The following B4GALT2 variants were observed in gnomAD, a reference collection of about 807,000 sequenced individuals.
The protein encoded by B4GALT2 is beta-1,4-galactosyltransferase 2.
In B4GALT2, 18 loss-of-function variants were observed where a neutral mutation model predicts 33.2. That is an observed-to-expected ratio of 0.54 (90% CI 0.38 to 0.80). The LOEUF is 0.80. Among genes scored for constraint, B4GALT2 ranks in the 30% least tolerant of loss-of-function variants. The pLI, the probability that B4GALT2 is intolerant of heterozygous loss-of-function variation, is 0.00. For missense variants in B4GALT2, 404 were observed against 526.2 expected, an observed-to-expected ratio of 0.77 and a Z score of 2.27; for synonymous variants, 214 against 217.6, an observed-to-expected ratio of 0.98 and a Z score of 0.15.
chr1:43,979,528 C>T lies in B4GALT2; in HGVS notation c.-53+17C>T, dbSNP rs1345655579. 6.5e-6 allele frequency: 1 copy of T among 154,618 alleles called. No individual in the cohort carries two copies. Among genetic ancestry groups the T allele is most frequent in the Non-Finnish European group, 1.4e-5 (1 of 69,576 alleles). 9.6% of individuals were successfully genotyped at this position (154,618 alleles called of 1,614,324 possible). A position where few individuals can be genotyped will look rare whatever the true frequency, so the allele number is the denominator to read the frequency against. ...GAGCGCCGGGTGAGAGGAGGGCGCGCGCGGCCCCCACCCAGGGCCCCGAGA... is the reference window on the plus strand; with the variant it reads ...GAGCGCCGGGTGAGAGGAGGGCGCGTGCGGCCCCCACCCAGGGCCCCGAGA... On this transcript the variant is annotated intron_variant, in intron 1 of 6. Coordinates refer to ENST00000372324, the MANE Select transcript of B4GALT2 (RefSeq NM_003780.5). This position sits in a 1 kb window ranked among gnomAD's most constrained non-coding sequence, Gnocchi z 4.8.
In B4GALT2 at chr1:43,984,812, C is replaced by T. The variant is rs975095556; in HGVS notation, c.550-53C>T. The T allele has an allele frequency of 1.3e-6, 2 of 1,569,476 alleles. No individual in the cohort carries two copies. Among genetic ancestry groups the T allele is most frequent in the Non-Finnish European group, 1.7e-6 (2 of 1,148,400 alleles). On this transcript the variant is annotated intron_variant, in intron 3 of 6. Coordinates refer to ENST00000372324, the MANE Select transcript of B4GALT2 (RefSeq NM_003780.5). The surrounding 1 kb of genome is among the most constrained non-coding windows in gnomAD (Gnocchi z 5.6). ...ACTGCTCTGGAGAGTGGCAAAAGGGCAGGTGCTTGTTGGTCACAGGCCCAG... is the reference window on the plus strand; with the variant it reads ...ACTGCTCTGGAGAGTGGCAAAAGGGTAGGTGCTTGTTGGTCACAGGCCCAG...
In B4GALT2 at chr1:43,979,947, G is replaced by A. The variant is rs140689469; in HGVS notation, c.-53+436G>A. 6,677 of 1,521,018 alleles carry A rather than the reference G, an allele frequency of 4.4e-3. 27 individuals carry two copies. The highest frequency in any genetic ancestry group is 5.5e-3 in the Middle Eastern group (32 of 5,848). The allele number at this position is 1,521,018 out of a possible 1,614,324, so 94.2% of individuals were successfully genotyped here. On this transcript the variant is annotated intron_variant, in intron 1 of 6. Coordinates refer to ENST00000372324, the MANE Select transcript of B4GALT2 (RefSeq NM_003780.5). This position sits in a 1 kb window ranked among gnomAD's most constrained non-coding sequence, Gnocchi z 4.8. The stretch of plus-strand genomic sequence containing the variant: ...CGCCAGCCTGACCCAGAACCCCTGC[G>A]CCGGAGGGAGGGTGGGAATGTCTGC...
chr1:43,979,810 C>G lies in B4GALT2; in HGVS notation c.-53+299C>G. On this transcript the variant is annotated intron_variant, in intron 1 of 6. Coordinates refer to ENST00000372324, the MANE Select transcript of B4GALT2 (RefSeq NM_003780.5). This position sits in a 1 kb window ranked among gnomAD's most constrained non-coding sequence, Gnocchi z 4.8. ...CTTTGCCTCATCCGCTGCCCTCCACCCACTCCCCCTGCCCCCAGGCTCCAC... is the reference window on the plus strand; with the variant it reads ...CTTTGCCTCATCCGCTGCCCTCCACGCACTCCCCCTGCCCCCAGGCTCCAC... 1.8e-6 allele frequency: 1 copy of G among 567,602 alleles called. No individual in the cohort carries two copies. Among genetic ancestry groups the G allele is most frequent in the Non-Finnish European group, 3.1e-6 (1 of 321,044 alleles). The allele number at this position is 567,602 out of a possible 1,614,324, so 35.2% of individuals were successfully genotyped here. A position where few individuals can be genotyped will look rare whatever the true frequency, so the allele number is the denominator to read the frequency against.
In B4GALT2 at chr1:43,985,339, AT is replaced by A; in HGVS notation, c.803del (p.Ile268ThrfsTer24). 6.2e-7 allele frequency: 1 copy of A among 1,611,736 alleles called. No homozygotes were observed. Among genetic ancestry groups the A allele is most frequent in the Non-Finnish European group, 8.5e-7 (1 of 1,179,018 alleles). On this transcript the variant is annotated frameshift_variant, in exon 5 of 7. Coordinates refer to ENST00000372324, the MANE Select transcript of B4GALT2 (RefSeq NM_003780.5). LOFTEE classifies it high-confidence loss of function. ...SGLSKAQFLR[I>X]NGFPNEYWGW... The stretch of plus-strand genomic sequence containing the variant: ...CCTGAGTAAGGCTCAGTTTCTGAGA[AT>A]CAATGGCTTCCCCAATGAGTACTGG...
At position 43,981,538 on chromosome 1, in the gene B4GALT2, G is replaced by A; in HGVS notation, c.313+65G>A. On this transcript the variant is annotated intron_variant, in intron 2 of 6. Transcript: ENST00000372324. This position sits in a 1 kb window ranked among gnomAD's most constrained non-coding sequence, Gnocchi z 8.1. Reference sequence around the variant, plus strand: ...GTTTTATTGGTTTGACTAGAGAAATGGCATCTGGACCCAGGGGTGTGCCAG... The same window carrying A: ...GTTTTATTGGTTTGACTAGAGAAATAGCATCTGGACCCAGGGGTGTGCCAG... 6.6e-7 allele frequency: 1 copy of A among 1,522,896 alleles called. No homozygotes were observed. The highest frequency in any genetic ancestry group is 1.9e-4 in the Middle Eastern group (1 of 5,204). 94.3% of individuals were successfully genotyped at this position (1,522,896 alleles called of 1,614,324 possible).
chr1:43,985,233 A>C (rs1470621652), intron 4 of B4GALT2, 45 bp from the exon 5 acceptor site: 3 of 1,585,686 alleles, frequency 1.9e-6, no homozygotes, highest in Non-Finnish European at 2.6e-6. Flanking sequence ...CTTCCCCTGG[A>C]GTCCCCTTGG....
intron 1 of B4GALT2, chr1:43,980,100 TTC>T (rs1199875356): frequency 1.4e-6 from 2 of 1,435,276 alleles, no homozygotes; most frequent in South Asian, 1.4e-5. Context: ...GTGACTGTAG[TTC>T]TCTGTGTGTC....
In B4GALT2 at chr1:43,982,592, C is replaced by G. The variant is rs1375173841; in HGVS notation, c.549+668C>G. On this transcript the variant is annotated intron_variant, in intron 3 of 6. Coordinates refer to ENST00000372324, the MANE Select transcript of B4GALT2 (RefSeq NM_003780.5). This position sits in a 1 kb window ranked among gnomAD's most constrained non-coding sequence, Gnocchi z 4.3. ...GAAGCCAGCATTCTAGGCAGAGGGA[C>G]CTGGAGGATGCAGGGCCAGCAAGAT... 6.6e-6 allele frequency among the ~76,000 whole-genome samples: 1 copy of G among 152,184 alleles called. No homozygotes were observed. The highest frequency in any genetic ancestry group is 2.4e-5 in the African/African-American group (1 of 41,448).
chr1:43,988,587 T>C (rs1320794097), intron 6 of B4GALT2, among the ~76,000 whole-genome samples: 1 of 151,976 alleles, frequency 6.6e-6, no homozygotes, highest in African/African-American at 2.4e-5. Flanking sequence ...AGGCAACCTC[T>C]TGAACCCAGG....
chr1:43,990,518 C>T lies in B4GALT2; in HGVS notation c.*70C>T. Reference sequence around the variant, plus strand: ...GGACTGACCACAGCCTGGCTGGCAGCTGCTCTGTGGAGGACCTCCAGGACT... The same window carrying T: ...GGACTGACCACAGCCTGGCTGGCAGTTGCTCTGTGGAGGACCTCCAGGACT... On this transcript the variant is annotated 3_prime_UTR_variant, in exon 7 of 7. Coordinates refer to ENST00000372324, the MANE Select transcript of B4GALT2 (RefSeq NM_003780.5). 1.9e-6 allele frequency: 3 copies of T among 1,591,220 alleles called. No individual in the cohort carries two copies. Among genetic ancestry groups the T allele is most frequent in the Non-Finnish European group, 2.6e-6 (3 of 1,164,138 alleles).
chr1:43,985,446 G>A (rs762417132), intron 5 of B4GALT2, 46 bp downstream of exon 5: 7 of 862,462 alleles, frequency 8.1e-6, no homozygotes, highest in Admixed American at 6.4e-5. Context: ...GGGGGGGAGG[G>A]GGGGTGCAGA....
rs1013443444 is a variant in B4GALT2 at position 43,981,989 on chromosome 1, C to T, written c.549+65C>T. On this transcript the variant is annotated intron_variant, in intron 3 of 6. Transcript: ENST00000372324. The surrounding 1 kb of genome is among the most constrained non-coding windows in gnomAD (Gnocchi z 8.1). ...TGTGGGTTGGGGGCGTTTGTGGGTCCTTGTCTGCCCGTGTGGATATGTGGA... is the reference window on the plus strand; with the variant it reads ...TGTGGGTTGGGGGCGTTTGTGGGTCTTTGTCTGCCCGTGTGGATATGTGGA... The T allele has an allele frequency of 2.0e-6, 3 of 1,505,664 alleles. No individual in the cohort carries two copies. The highest frequency in any genetic ancestry group is 1.8e-6 in the Non-Finnish European group (2 of 1,096,666). 93.3% of individuals were successfully genotyped at this position (1,505,664 alleles called of 1,614,324 possible). A position where few individuals can be genotyped will look rare whatever the true frequency, so the allele number is the denominator to read the frequency against.
chr1:43,980,454 T>C (rs2085581796), intron 1 of B4GALT2: 2 of 711,808 alleles, frequency 2.8e-6, no homozygotes, highest in Non-Finnish European at 3.5e-6. Context: ...TCTGTAAACA[T>C]CCAGTCTGTA....
chr1:43,987,527 A>G (rs903884188), intron 6 of B4GALT2, among the ~76,000 whole-genome samples: 1 of 152,204 alleles, frequency 6.6e-6, no homozygotes. Flanking sequence ...CTACATATCC[A>G]AACCCATCAG....
In B4GALT2 at chr1:43,985,415, G is replaced by T. The variant is rs779981488; in HGVS notation, c.863+15G>T. 6.5e-7 allele frequency: 1 copy of T among 1,542,474 alleles called. No individual in the cohort carries two copies. Among genetic ancestry groups the T allele is most frequent in the African/African-American group, 1.4e-5 (1 of 72,598 alleles). ...ATCTTCAACCGGTGAGTAAGCACGC[G>T]GTGGGGAATAGGCTGGGTGGGGGGG... On this transcript the variant is annotated intron_variant, in intron 5 of 6. Coordinates refer to ENST00000372324, the MANE Select transcript of B4GALT2 (RefSeq NM_003780.5).
At position 43,982,809 on chromosome 1, in the gene B4GALT2, C is replaced by T. The variant is rs568155474; in HGVS notation, c.549+885C>T. On this transcript the variant is annotated intron_variant, in intron 3 of 6. Transcript: ENST00000372324. This position sits in a 1 kb window ranked among gnomAD's most constrained non-coding sequence, Gnocchi z 4.3. ...AAGGAGAGAGTGACTTGCGTGTTTG[C>T]TTTGTAGAAAGGTCACTCTGGTTGC... 1.3e-5 allele frequency among the ~76,000 whole-genome samples: 2 copies of T among 152,250 alleles called. No homozygotes were observed. Among genetic ancestry groups the T allele is most frequent in the African/African-American group, 2.4e-5 (1 of 41,536 alleles).
Position 43,982,299 on chromosome 1 carries a change from G to T in B4GALT2, c.549+375G>T, listed in dbSNP as rs2085609679. On this transcript the variant is annotated intron_variant, in intron 3 of 6. Coordinates refer to ENST00000372324, the MANE Select transcript of B4GALT2 (RefSeq NM_003780.5). The surrounding 1 kb of genome is among the most constrained non-coding windows in gnomAD (Gnocchi z 4.3). Reference sequence around the variant, plus strand: ...TAGGTGCCAGCCACAGCTGAGGCCAGGGCACTCAGCTCAGCATCTTAAGGC... The same window carrying T: ...TAGGTGCCAGCCACAGCTGAGGCCATGGCACTCAGCTCAGCATCTTAAGGC... 6.6e-6 allele frequency among the ~76,000 whole-genome samples: 1 copy of T among 152,144 alleles called. No homozygotes were observed. The highest frequency in any genetic ancestry group is 2.4e-5 in the African/African-American group (1 of 41,440).
intron 1 of B4GALT2, chr1:43,980,506 C>G: frequency 2.0e-6 from 2 of 994,132 alleles, no homozygotes; most frequent in South Asian, 9.2e-5. Context: ...CCAGCCTGGT[C>G]CCAGTTGGCC....
Position 43,981,447 on chromosome 1 carries a change from C to A in B4GALT2, c.287C>A (p.Pro96His). ...GGTCCCACGGCTCCCACGCTGCCAC[C>A]CTGTCCTGACTCGCCACCTGGTCTT... ...LPGPTAPTLP[P>H]CPDSPPGLVG... Residue 96 changes from proline (P) to histidine (H), a missense_variant, in exon 2 of 7, where the codon CCC (proline) becomes CAC (histidine). Coordinates refer to ENST00000372324, the MANE Select transcript of B4GALT2 (RefSeq NM_003780.5). The surrounding 1 kb of genome is among the most constrained non-coding windows in gnomAD (Gnocchi z 8.1). The A allele has an allele frequency of 6.3e-7, 1 of 1,588,580 alleles. No homozygotes were observed. The highest frequency in any genetic ancestry group is 1.3e-5 in the African/African-American group (1 of 74,852).
Sources: allele counts gnomAD v4.1 joint callset (sites outside exome capture counted in the v4.1 genomes callset), GRCh38; gene constraint gnomAD v4.1.1; non-coding constraint Gnocchi (gnomAD v3.1); transcripts MANE v1.5; gene names NCBI Gene and HGNC (gene_info 2026-07-23, HGNC 2026-07-21).